Variants in NBPF26 observed in about 807,000 individuals in gnomAD.
The protein encoded by NBPF26 is NBPF family member NBPF26.
Under a neutral mutation model 119.6 loss-of-function variants are expected in NBPF26, and 79 were observed. The observed-to-expected ratio is 0.66, with a 90% CI of 0.55 to 0.80. The LOEUF (loss-of-function observed/expected upper bound fraction) is 0.80. Among genes scored for constraint, NBPF26 ranks in the 30% least tolerant of loss-of-function variants. The pLI, the probability that NBPF26 is intolerant of heterozygous loss-of-function variation, is 0.00. For missense variants in NBPF26, 800 were observed against 1,198.2 expected (o/e 0.67, Z 4.91); for synonymous variants, 299 against 457.7 (o/e 0.65, Z 4.43).
At chr1:120,832,564 C>G (rs1274265699) in intron 22 of NBPF26, among the ~76,000 whole-genome samples, 1 of 117,318 alleles carries the variant, frequency 8.5e-6, no homozygotes, top group Non-Finnish European at 1.6e-5. Flanking sequence ...AGTTTTTCTC[C>G]TAGAAATCAT....
At chr1:120,768,223 C>T (rs1386710403) in intron 2 of NBPF26, among the ~76,000 whole-genome samples, 1 of 114,342 alleles carries the variant, frequency 8.7e-6, no homozygotes, top group Non-Finnish European at 1.7e-5. Flanking sequence ...AAGATGGGAC[C>T]CTTCTAGGGG....
At chr1:120,809,378 A>T (rs1471425941) in intron 7 of NBPF26, among the ~76,000 whole-genome samples, 1,041 of 140,930 alleles carry the variant, frequency 7.4e-3, no homozygotes, top group African/African-American at 0.019. Flanking sequence ...CAGAAGCCAC[A>T]TGGAGGGCCT....
intron 2 of NBPF26, among the ~76,000 whole-genome samples, chr1:120,769,570 G>T (rs1348221259): frequency 8.2e-6 from 1 of 122,522 alleles, no homozygotes. Flanking sequence ...ATAAAACAAA[G>T]AATGCTGTTT....
chr1:120,803,313 C>A (rs1437613967), intron 4 of NBPF26, among the ~76,000 whole-genome samples: 3 of 136,956 alleles, frequency 2.2e-5, no homozygotes, highest in Non-Finnish European at 4.7e-5. Context: ...ATAAGACATA[C>A]ATTGTGGTTA....
chr1:120,791,414 T>C (rs1651492601), intron 3 of NBPF26, among the ~76,000 whole-genome samples: 1 of 107,866 alleles, frequency 9.3e-6, no homozygotes, highest in Non-Finnish European at 1.7e-5. Flanking sequence ...CCATCAATGA[T>C]AGACTGGATT....
At chr1:120,807,703 A>C (rs2101495844) in exon 6 of NBPF26, 1 of 1,356,314 alleles carries the variant, frequency 7.4e-7, no homozygotes, top group East Asian at 2.3e-5. Flanking sequence ...CAAGCTGAGG[A>C]GCTCAGGTGA....
At chr1:120,790,727 G>A (rs1278542211) in intron 3 of NBPF26, among the ~76,000 whole-genome samples, 1 of 111,104 alleles carries the variant, frequency 9.0e-6, no homozygotes, top group Non-Finnish European at 1.7e-5. Context: ...AGCCTCCCAG[G>A]TAGCTGGGAT....
In NBPF26 at chr1:120,812,096, G is replaced by A. The variant is rs1171980368; in HGVS notation, c.1774+1G>A. On this transcript the variant is annotated splice_donor_variant, in intron 10 of 29. Transcript: ENST00000620612. LOFTEE classifies it high-confidence loss of function. ...CTGGCCAACCAGCAGAACAAATACA[G>A]TAAGATCTATTGGCTCACCATCACG... 84 of 1,192,990 alleles carry A rather than the reference G, an allele frequency of 7.0e-5. 20 individuals are homozygous for A. Among genetic ancestry groups the A allele is most frequent in the Non-Finnish European group, 9.5e-5 (81 of 857,032 alleles). 73.9% of individuals were successfully genotyped at this position (1,192,990 alleles called of 1,614,324 possible). A position where few individuals can be genotyped will look rare whatever the true frequency, so the allele number is the denominator to read the frequency against.
chr1:120,806,371 G>A (rs1304408881), intron 5 of NBPF26, among the ~76,000 whole-genome samples: 1 of 108,350 alleles, frequency 9.2e-6, no homozygotes, highest in East Asian at 2.1e-4. Context: ...GAGGCGGGCA[G>A]AGCACGAGGT....
intron 1 of NBPF26, among the ~76,000 whole-genome samples, chr1:120,726,760 G>C (rs1429926338): frequency 9.1e-6 from 1 of 109,604 alleles, no homozygotes; most frequent in Non-Finnish European, 1.7e-5. Flanking sequence ...TTTTTTTTTG[G>C]TGTGGTGGAG....
chr1:120,737,810 C>T (rs1275750901), intron 1 of NBPF26, among the ~76,000 whole-genome samples: 1 of 118,770 alleles, frequency 8.4e-6, no homozygotes, highest in Non-Finnish European at 1.7e-5. Context: ...ATTTGTTTCC[C>T]TTGACAGTTT....
intron 5 of NBPF26, among the ~76,000 whole-genome samples, chr1:120,806,952 G>C (rs2101493600): frequency 8.2e-6 from 1 of 122,134 alleles, no homozygotes; most frequent in South Asian, 2.4e-4. Flanking sequence ...TCTTCATTCT[G>C]ATGTTTCTAA....
In NBPF26 at chr1:120,724,213, G is replaced by T; in HGVS notation, c.36G>T (p.Leu12=). The change falls in exon 1 of 30, where the codon CTG becomes CTT. Residue 12 remains leucine, a synonymous_variant. Transcript: ENST00000620612. The stretch of plus-strand genomic sequence containing the variant: ...TGCGTCCCGCTCTGCTGTGGGCGCT[G>T]CTGGCGCTCTGGCTGTGCTGGGCGG... The T allele has an allele frequency of 3.6e-6, 5 of 1,407,018 alleles. 2 individuals carry two copies. In the South Asian group the frequency reaches 6.3e-5, roughly 18 times the overall value. 87.2% of individuals were successfully genotyped at this position (1,407,018 alleles called of 1,614,324 possible). A position where few individuals can be genotyped will look rare whatever the true frequency, so the allele number is the denominator to read the frequency against.
rs1650855598 is a variant in NBPF26 at position 120,729,692 on chromosome 1, T to TATCAA, written c.73+5443_73+5447dup. ...TGGGCACTGGTGGGAGAATAACATT[T>TATCAA]ATCAAGCAGTGTTTCCCTAACTTCT... On this transcript the variant is annotated intron_variant, in intron 1 of 29. Coordinates refer to ENST00000620612, the Ensembl canonical transcript of NBPF26. 5.1e-5 allele frequency among the ~76,000 whole-genome samples: 6 copies of TATCAA among 117,636 alleles called. 1 individual carries two copies. The South Asian group carries it at 1.5e-3, about 29-fold the overall frequency. The allele number at this position is 117,636 out of a possible 152,430, so 77.2% of individuals were successfully genotyped here. A position where few individuals can be genotyped will look rare whatever the true frequency, so the allele number is the denominator to read the frequency against.
At chr1:120,807,200 A>G (rs1651716819) in intron 5 of NBPF26, among the ~76,000 whole-genome samples, 1 of 126,886 alleles carries the variant, frequency 7.9e-6, no homozygotes, top group Admixed American at 7.6e-5. Context: ...TAAAAGGGAA[A>G]CCATCAGTCC....
chr1:120,840,528 T>C lies in NBPF26; in HGVS notation c.4282T>C (p.Phe1428Leu). Residue 1428 changes from phenylalanine to leucine, a missense_variant, in exon 30 of 30, where the codon TTT becomes CTT. Physicochemically the swap from Phe to Leu is conservative, Grantham distance 22. Around this residue, in one of 13 missense-constraint regions of NBPF26, gnomAD observed 155 missense variants for 95.9 expected, o/e 1.62. Transcript: ENST00000620612. The stretch of plus-strand genomic sequence containing the variant: ...CTTCGCCCTTTACGTGGACAATAGG[T>C]TTTTTACTTTGACGGTGACAAGTCT... 6 of 1,471,438 alleles carry C rather than the reference T, an allele frequency of 4.1e-6. 2 individuals carry two copies. 91.1% of individuals were successfully genotyped at this position (1,471,438 alleles called of 1,614,324 possible). A position where few individuals can be genotyped will look rare whatever the true frequency, so the allele number is the denominator to read the frequency against.
exon 2 of NBPF26, chr1:120,763,629 A>T (rs1651156839): frequency 7.3e-7 from 1 of 1,366,046 alleles, no homozygotes; most frequent in Non-Finnish European, 9.9e-7. Flanking sequence ...TATTTTTAGC[A>T]TTGCAGTGTC....
At chr1:120,790,562 TTC>T (rs1651478151) in intron 3 of NBPF26, among the ~76,000 whole-genome samples, 1 of 102,984 alleles carries the variant, frequency 9.7e-6, no homozygotes, top group Admixed American at 9.6e-5. Context: ...CTTTCTTTCT[TTC>T]TTTCTTTCTT....
downstream of NBPF26, among the ~76,000 whole-genome samples, chr1:120,842,184 T>G (rs1294362716): frequency 2.7e-5 from 3 of 109,152 alleles, 1 homozygote; most frequent in Non-Finnish European, 5.2e-5. Flanking sequence ...TGGTGGGTAC[T>G]GATGCGAATT....
Sources: allele counts gnomAD v4.1 joint callset (sites outside exome capture counted in the v4.1 genomes callset), GRCh38; gene constraint gnomAD v4.1.1; regional missense constraint gnomAD v4.1.1; transcripts MANE v1.5; gene names NCBI Gene and HGNC (gene_info 2026-07-23, HGNC 2026-07-21).